The following NRIP3 variants were observed in gnomAD, a reference collection of about 807,000 sequenced individuals.
The protein encoded by NRIP3 is nuclear receptor-interacting protein 3.
NRIP3 carries 31 observed loss-of-function variants against 29.0 expected under a neutral mutation model. That is an observed-to-expected ratio of 1.07 (90% CI 0.80 to 1.44). The LOEUF is 1.44. NRIP3 is among the 40% of genes most tolerant of loss of function. The pLI is 0.00. For missense variants in NRIP3, 314 were observed against 297.9 expected (o/e 1.05, Z -0.40); for synonymous variants, 131 against 118.3 (o/e 1.11, Z -0.70).
At chr11:8,994,798 A>C (rs1021230289) in intron 1 of NRIP3, among the ~76,000 whole-genome samples, 3 of 152,156 alleles carry the variant, frequency 2.0e-5, no homozygotes, top group African/African-American at 7.2e-5. Context: ...CTTAAATGTT[A>C]GTGTTCCTCA....
chr11:8,984,717 G>A (rs560147225), intron 4 of NRIP3, among the ~76,000 whole-genome samples: 10 of 152,340 alleles, frequency 6.6e-5, no homozygotes, highest in African/African-American at 2.4e-4. Flanking sequence ...GTAGAGAAGT[G>A]TGGAAACTGG....
rs770681633 is a variant in NRIP3 at position 9,003,956 on chromosome 11, G to A, written c.-21C>T. On this transcript the variant is annotated 5_prime_UTR_variant, in exon 1 of 7. Coordinates refer to ENST00000309166, the MANE Select transcript of NRIP3 (RefSeq NM_020645.3). ...AACATCGCTGAGGCGCCGGCGGCCC[G>A]GTAGCCCACAGCCCCCCGGCAGCCT... 3.9e-5 allele frequency: 58 copies of A among 1,477,740 alleles called. No individual in the cohort carries two copies. In the African/African-American group the frequency reaches 6.3e-4, roughly 16 times the overall value. 91.5% of individuals were successfully genotyped at this position (1,477,740 alleles called of 1,614,324 possible). A position where few individuals can be genotyped will look rare whatever the true frequency, so the allele number is the denominator to read the frequency against.
intron 1 of NRIP3, among the ~76,000 whole-genome samples, chr11:8,999,899 C>T (rs1854766949): frequency 6.6e-6 from 1 of 152,156 alleles, no homozygotes; most frequent in South Asian, 2.1e-4. Flanking sequence ...TTCCCTATTC[C>T]CCTTACCCTG....
At position 8,985,857 on chromosome 11, in the gene NRIP3, C is replaced by G; in HGVS notation, c.423-7G>C. 6.2e-7 allele frequency: 1 copy of G among 1,613,662 alleles called. No individual in the cohort carries two copies. The highest frequency in any genetic ancestry group is 8.5e-7 in the Non-Finnish European group (1 of 1,179,842). Reference sequence around the variant, plus strand: ...TTTGACATGCTCCTTGAGTCTGTACCAAAGAGGAAGATACCAAAATCCCCT... The same window carrying G: ...TTTGACATGCTCCTTGAGTCTGTACGAAAGAGGAAGATACCAAAATCCCCT... On this transcript the variant is annotated splice_polypyrimidine_tract_variant and splice_region_variant and intron_variant, in intron 3 of 6. Transcript: ENST00000309166.
chr11:8,987,497 G>T, intron 3 of NRIP3, 51 bp downstream of exon 3: 1 of 1,287,568 alleles, frequency 7.8e-7, no homozygotes, highest in Non-Finnish European at 1.1e-6. Flanking sequence ...ATAGAGTCAA[G>T]CGAAGAGTAC....
chr11:9,001,860 A>G (rs1265415095), intron 1 of NRIP3, among the ~76,000 whole-genome samples: 1 of 144,528 alleles, frequency 6.9e-6, no homozygotes. Flanking sequence ...AGAGAGGGAA[A>G]TCAACTCCAT....
At chr11:8,985,483 T>A (rs536363815) in intron 4 of NRIP3, among the ~76,000 whole-genome samples, 2 of 99,462 alleles carry the variant, frequency 2.0e-5, no homozygotes, top group South Asian at 1.1e-3. Flanking sequence ...TTTTTTTTTA[T>A]CTGACCACAT....
At chr11:8,997,473 C>T (rs1021464903) in intron 1 of NRIP3, among the ~76,000 whole-genome samples, 2 of 152,098 alleles carry the variant, frequency 1.3e-5, no homozygotes, top group African/African-American at 4.8e-5. Context: ...GTCTTTCTGA[C>T]GTGGATTCTG....
chr11:8,995,082 T>C (rs1386476729), intron 1 of NRIP3, among the ~76,000 whole-genome samples: 1 of 150,594 alleles, frequency 6.6e-6, no homozygotes, highest in South Asian at 2.1e-4. Flanking sequence ...CTGCCTCCTC[T>C]TATTTTCTTC....
chr11:8,983,333 T>C lies in NRIP3; in HGVS notation c.*212A>G. Reference sequence around the variant, plus strand: ...AGGTCTATAAGTTAAGTGATCAAAGTAGTAAAAAACAATGGCCATAACCAG... The same window carrying C: ...AGGTCTATAAGTTAAGTGATCAAAGCAGTAAAAAACAATGGCCATAACCAG... On this transcript the variant is annotated 3_prime_UTR_variant, in exon 7 of 7. Transcript: ENST00000309166. The C allele has an allele frequency of 1.7e-6, 1 of 590,670 alleles. No homozygotes were observed. The highest frequency in any genetic ancestry group is 2.9e-5 in the East Asian group (1 of 34,684). The allele number at this position is 590,670 out of a possible 1,614,324, so 36.6% of individuals were successfully genotyped here.
chr11:8,986,034 T>C (rs1186053417), intron 3 of NRIP3, among the ~76,000 whole-genome samples, 184 bp from the exon 4 acceptor site: 1 of 152,114 alleles, frequency 6.6e-6, no homozygotes, highest in Non-Finnish European at 1.5e-5. Flanking sequence ...CAGGGAGATA[T>C]AAAAACACTA....
chr11:8,984,064 A>G lies in NRIP3; in HGVS notation c.615+8T>C. On this transcript the variant is annotated splice_region_variant and intron_variant, in intron 5 of 6. Transcript: ENST00000309166. ...GAAGTATCAAGGGGTAAGTGGAGTC[A>G]ATCTTACCTTCAGAGATCGGAGAGT... is the stretch of plus-strand genomic sequence containing the variant. The G allele has an allele frequency of 6.2e-7, 1 of 1,610,032 alleles. No individual in the cohort carries two copies. Among genetic ancestry groups the G allele is most frequent in the East Asian group, 2.2e-5 (1 of 44,850 alleles).
chr11:8,989,929 G>A (rs1032289442), intron 1 of NRIP3, among the ~76,000 whole-genome samples: 7 of 152,142 alleles, frequency 4.6e-5, no homozygotes, highest in Non-Finnish European at 1.0e-4. Flanking sequence ...CCTAAACAAA[G>A]CCCTCTTACC....
Position 8,981,038 on chromosome 11 carries a change from C to G in NRIP3, c.*2507G>C, listed in dbSNP as rs1451693669. On this transcript the variant is annotated 3_prime_UTR_variant, in exon 7 of 7. Transcript: ENST00000309166. The stretch of plus-strand genomic sequence containing the variant: ...CTCCCACACCCTCAATGTAAGGTAC[C>G]AGAATTTTTTAGGACTCCTGGGAAA... 28 of 152,126 alleles carry G rather than the reference C, an allele frequency of 1.8e-4. No homozygotes were observed. Among genetic ancestry groups the G allele is most frequent in the Admixed American group, 1.8e-3 (28 of 15,268 alleles). 9.4% of individuals were successfully genotyped at this position (152,126 alleles called of 1,614,324 possible). A position where few individuals can be genotyped will look rare whatever the true frequency, so the allele number is the denominator to read the frequency against.
At chr11:8,983,627 TA>T in intron 6 of NRIP3, 67 bp from the exon 7 acceptor site, 1 of 1,499,640 alleles carries the variant, frequency 6.7e-7, no homozygotes, top group Non-Finnish European at 9.3e-7. Flanking sequence ...TGAAGGCAAG[TA>T]AAATTTTGCT....
At chr11:8,987,660 G>A in intron 2 of NRIP3, 30 bp from the exon 3 acceptor site, 1 of 1,565,180 alleles carries the variant, frequency 6.4e-7, no homozygotes. Context: ...TGTTCAATAA[G>A]AGCCAGAGAA....
At chr11:8,995,417 T>C (rs1854684498) in intron 1 of NRIP3, among the ~76,000 whole-genome samples, 1 of 152,246 alleles carries the variant, frequency 6.6e-6, no homozygotes, top group Non-Finnish European at 1.5e-5. Context: ...TTTTAACATA[T>C]TGGGTTAATT....
intron 1 of NRIP3, among the ~76,000 whole-genome samples, chr11:8,993,794 G>A (rs1288094688): frequency 8.5e-6 from 1 of 117,154 alleles, no homozygotes; most frequent in Non-Finnish European, 1.7e-5. Flanking sequence ...GGGCAACAAA[G>A]CGAGACCCTG....
upstream of NRIP3, chr11:9,004,138 G>T (rs553345693): frequency 4.8e-6 from 2 of 416,864 alleles, no homozygotes; most frequent in Non-Finnish European, 4.1e-6. Flanking sequence ...CCCGCGTCCC[G>T]CGTCCCCTGC....
Sources: allele counts gnomAD v4.1 joint callset (sites outside exome capture counted in the v4.1 genomes callset), GRCh38; gene constraint gnomAD v4.1.1; transcripts MANE v1.5; gene names NCBI Gene and HGNC (gene_info 2026-07-23, HGNC 2026-07-21).